Variants in TMEM260 observed in about 807,000 individuals in gnomAD.
TMEM260 encodes the protein transmembrane protein 260, also known as protein O-mannosyl-transferase TMEM260.
TMEM260 carries 82 observed loss-of-function variants against 88.9 expected under a neutral mutation model. The ratio of observed to expected loss-of-function variants is 0.92; its 90% CI spans 0.77 to 1.11. TMEM260 has a LOEUF of 1.11. Among genes scored for constraint, TMEM260 ranks in the 50% least tolerant of loss-of-function variants. The pLI, the probability that TMEM260 is intolerant of heterozygous loss-of-function variation, is 0.00. For missense variants in TMEM260, 902 were observed against 853.4 expected (o/e 1.06, Z -0.71); for synonymous variants, 314 against 309.3 (o/e 1.02, Z -0.16).
intron 12 of TMEM260, among the ~76,000 whole-genome samples, chr14:56,629,054 C>T (rs190192566): frequency 6.6e-6 from 1 of 151,894 alleles, no homozygotes; most frequent in South Asian, 2.1e-4. Context: ...TGCCACCAAG[C>T]CCAGCTAATT....
At position 56,605,438 on chromosome 14, in the gene TMEM260, T is replaced by C. The variant is rs1029899416; in HGVS notation, c.523-132T>C. 7 of 421,602 alleles carry C rather than the reference T, an allele frequency of 1.7e-5. 1 individual carries two copies. The highest frequency in any genetic ancestry group is 1.2e-3 in the Middle Eastern group (2 of 1,638). 26.1% of individuals were successfully genotyped at this position (421,602 alleles called of 1,614,324 possible). ...TATGAATGATTATTAAAATAACTGC[T>C]TGCATCTTAGAGGTTGATTTTAACC... On this transcript the variant is annotated intron_variant, in intron 4 of 15. Coordinates refer to ENST00000261556, the MANE Select transcript of TMEM260 (RefSeq NM_017799.4).
intron 14 of TMEM260, among the ~76,000 whole-genome samples, chr14:56,636,292 A>G (rs1889063527): frequency 1.3e-5 from 2 of 152,130 alleles, no homozygotes; most frequent in Non-Finnish European, 2.9e-5. Context: ...TTTTTCTAAA[A>G]TATTTGGTCA....
Position 56,647,178 on chromosome 14 carries a change from T to A in TMEM260, c.1870-65T>A, listed in dbSNP as rs558750030. 1.7e-4 allele frequency: 263 copies of A among 1,519,074 alleles called. 3 individuals are homozygous for A. In the East Asian group the frequency reaches 3.4e-3, roughly 20 times the overall value. The allele number at this position is 1,519,074 out of a possible 1,614,324, so 94.1% of individuals were successfully genotyped here. On this transcript the variant is annotated intron_variant, in intron 15 of 15. Coordinates refer to ENST00000261556, the MANE Select transcript of TMEM260 (RefSeq NM_017799.4). ...TTGTTATTAATTCCTCTGTGTTTTT[T>A]TGTTTTTGAAAAAAAAAAAGTCAAA...
At chr14:56,599,524 C>A (rs1886440688) in intron 3 of TMEM260, among the ~76,000 whole-genome samples, 1 of 152,124 alleles carries the variant, frequency 6.6e-6, no homozygotes, top group Non-Finnish European at 1.5e-5. Context: ...ACTTCTTCAT[C>A]CACTAGTTTG....
intron 1 of TMEM260, among the ~76,000 whole-genome samples, chr14:56,583,574 A>G (rs1397031687): frequency 6.6e-6 from 1 of 152,098 alleles, no homozygotes; most frequent in African/African-American, 2.4e-5. Context: ...GGAGAGAGAA[A>G]TGAAAACCAA....
chr14:56,585,538 T>G (rs1340095112), intron 2 of TMEM260, among the ~76,000 whole-genome samples: 1 of 152,118 alleles, frequency 6.6e-6, no homozygotes, highest in Non-Finnish European at 1.5e-5. Flanking sequence ...TCACCCTTTC[T>G]CTGGGTGACG....
At chr14:56,586,190 G>T (rs1430006412) in intron 3 of TMEM260, among the ~76,000 whole-genome samples, 1 of 152,120 alleles carries the variant, frequency 6.6e-6, no homozygotes, top group Non-Finnish European at 1.5e-5. Context: ...TGAAGATGCA[G>T]ATGGGCCAGT....
the TMEM260 span, among the ~76,000 whole-genome samples, chr14:56,660,765 A>T: frequency 6.6e-6 from 1 of 152,214 alleles, no homozygotes; most frequent in African/African-American, 2.4e-5. Flanking sequence ...AAGAATTGCC[A>T]AAGGATTATT....
In TMEM260 at chr14:56,633,231, AACT is replaced by A. The variant is rs541890880; in HGVS notation, c.1724+66_1724+68del. The A allele has an allele frequency of 2.1e-4, 297 of 1,405,666 alleles. No individual in the cohort carries two copies. The African/African-American group carries it at 2.9e-3, about 14-fold the overall frequency. 87.1% of individuals were successfully genotyped at this position (1,405,666 alleles called of 1,614,324 possible). A position where few individuals can be genotyped will look rare whatever the true frequency, so the allele number is the denominator to read the frequency against. The stretch of plus-strand genomic sequence containing the variant: ...CATAGCAGTTTTGAATACCCAAAAA[AACT>A]ACTACATTTTGAGATGCCTTCTAAT... On this transcript the variant is annotated intron_variant, in intron 13 of 15. Transcript: ENST00000261556.
intron 7 of TMEM260, chr14:56,613,910 A>AAAAAAAAAAAAAAAT (rs1465604052): frequency 6.9e-6 from 1 of 144,346 alleles, no homozygotes; most frequent in East Asian, 2.2e-4. Flanking sequence ...AAAAAAAAAA[A>AAAAAAAAAAAAAAAT]TTTTTTTTTT....
intron 10 of TMEM260, among the ~76,000 whole-genome samples, chr14:56,621,076 C>G (rs1348016604): frequency 6.6e-6 from 1 of 152,148 alleles, no homozygotes; most frequent in East Asian, 1.9e-4. Flanking sequence ...GGATCAACCT[C>G]TGCATGCAAG....
intron 12 of TMEM260, among the ~76,000 whole-genome samples, chr14:56,626,961 CTGAGA>C (rs1191774177): frequency 4.6e-5 from 7 of 152,050 alleles, no homozygotes; most frequent in Non-Finnish European, 8.8e-5. Flanking sequence ...TTATATATAG[CTGAGA>C]TATCATTTTC....
At chr14:56,639,845 C>A (rs757328443) in intron 15 of TMEM260, among the ~76,000 whole-genome samples, 5 of 152,244 alleles carry the variant, frequency 3.3e-5, no homozygotes, top group East Asian at 3.9e-4. Context: ...TATTCTGCAC[C>A]TGGCTTGGAG....
chr14:56,605,691 T>G lies in TMEM260; in HGVS notation c.636+8T>G, dbSNP rs533390901. 6.7e-7 allele frequency: 1 copy of G among 1,491,780 alleles called. No individual in the cohort carries two copies. Among genetic ancestry groups the G allele is most frequent in the South Asian group, 1.2e-5 (1 of 80,760 alleles). 92.4% of individuals were successfully genotyped at this position (1,491,780 alleles called of 1,614,324 possible). On this transcript the variant is annotated splice_region_variant and intron_variant, in intron 5 of 15. Transcript: ENST00000261556. ...CAACTTTTAAAAAAGAAGGTACGTT[T>G]TTGAATTTTGTAAAAAAAAGTACAA...
chr14:56,648,979 TC>T lies in TMEM260; in HGVS notation c.*1484del, dbSNP rs2139666155. ...GAAAAGCTGAAGTTTCATTACCTGA[TC>T]CATGGGGCTTTGTTGGTTTTGGCAT... On this transcript the variant is annotated 3_prime_UTR_variant, in exon 16 of 16. Transcript: ENST00000261556. The T allele has an allele frequency of 6.5e-6, 1 of 152,770 alleles. No homozygotes were observed. The highest frequency in any genetic ancestry group is 2.1e-4 in the South Asian group (1 of 4,820). The allele number at this position is 152,770 out of a possible 1,614,324, so 9.5% of individuals were successfully genotyped here.
chr14:56,614,728 T>C (rs1241545425), intron 7 of TMEM260, among the ~76,000 whole-genome samples: 1 of 118,084 alleles, frequency 8.5e-6, no homozygotes, highest in Non-Finnish European at 1.6e-5. Flanking sequence ...CCCACACTTC[T>C]GTGTTCTGTG....
intron 15 of TMEM260, among the ~76,000 whole-genome samples, chr14:56,643,459 AC>A (rs1205610703): frequency 1.3e-5 from 2 of 152,062 alleles, no homozygotes; most frequent in Admixed American, 6.6e-5. Context: ...AAATTCAACA[AC>A]CCTTCATGCT....
At position 56,605,558 on chromosome 14, in the gene TMEM260, ATTTAT is replaced by A; in HGVS notation, c.523-8_523-4del. 1.4e-6 allele frequency: 2 copies of A among 1,436,460 alleles called. No homozygotes were observed. Among genetic ancestry groups the A allele is most frequent in the Non-Finnish European group, 1.9e-6 (2 of 1,068,790 alleles). 89.0% of individuals were successfully genotyped at this position (1,436,460 alleles called of 1,614,324 possible). A position where few individuals can be genotyped will look rare whatever the true frequency, so the allele number is the denominator to read the frequency against. On this transcript the variant is annotated splice_region_variant and splice_polypyrimidine_tract_variant and intron_variant, in intron 4 of 15. Transcript: ENST00000261556. The stretch of plus-strand genomic sequence containing the variant: ...ATTTTTTACTTAATTTTTTTTTTTA[ATTTAT>A]TTTCAGGTAGCTAAAATTGGTGCTT...
chr14:56,592,439 C>G (rs944043946), intron 3 of TMEM260, among the ~76,000 whole-genome samples: 1 of 152,080 alleles, frequency 6.6e-6, no homozygotes, highest in Non-Finnish European at 1.5e-5. Context: ...ATACCCAGAA[C>G]ATGTTTGTTG....
Sources: gnomAD v4.1 joint callset for allele counts (sites outside exome capture counted in the v4.1 genomes callset) on GRCh38, gnomAD v4.1.1 for gene constraint, MANE v1.5 for transcripts, NCBI Gene and HGNC (gene_info 2026-07-23, HGNC 2026-07-21) for gene names.